The following CRAMP1 variants were observed in gnomAD, a reference collection of about 807,000 sequenced individuals.
The protein encoded by CRAMP1 is cramped chromatin regulator 1.
A neutral mutation model predicts 115.4 loss-of-function variants in CRAMP1; 50 were observed. The ratio of observed to expected loss-of-function variants is 0.43; its 90% CI spans 0.35 to 0.55. The LOEUF (loss-of-function observed/expected upper bound fraction) is 0.55, where lower values mean the gene tolerates loss of function less well. CRAMP1 is among the 20% of genes least tolerant of loss of function. CRAMP1 has a pLI of 0.01. For missense variants in CRAMP1, 1,679 were observed against 1,721.7 expected, an observed-to-expected ratio of 0.98 and a Z score of 0.44; for synonymous variants, 866 against 745.4, an observed-to-expected ratio of 1.16 and a Z score of -2.64.
At chr16:1,662,436 G>C in intron 11 of CRAMP1, 54 bp from the exon 12 acceptor site, 1 of 1,425,212 alleles carries the variant, frequency 7.0e-7, no homozygotes, top group Non-Finnish European at 9.9e-7. Flanking sequence ...CCGTGACCCT[G>C]GACCTGTTGC....
At chr16:1,637,735 A>G (rs752188492) in intron 4 of CRAMP1, 89 bp from the exon 5 acceptor site, 93 of 551,774 alleles carry the variant, frequency 1.7e-4, no homozygotes, top group Non-Finnish European at 2.8e-4. Flanking sequence ...GATCCAAGAA[A>G]CCACGTGAGC....
chr16:1,632,446 G>A (rs2036554685), intron 4 of CRAMP1, 81 bp downstream of exon 4: 11 of 1,367,342 alleles, frequency 8.0e-6, no homozygotes, highest in South Asian at 4.2e-5. Flanking sequence ...CAGCAAGCCC[G>A]CCGGACCTGC....
intron 3 of CRAMP1, among the ~76,000 whole-genome samples, chr16:1,630,399 A>C (rs1008855900): frequency 5.3e-5 from 8 of 151,906 alleles, no homozygotes; most frequent in Non-Finnish European, 1.2e-4. Flanking sequence ...CAATTCTCTC[A>C]CCTCAGCCTC....
chr16:1,644,593 C>T (rs1308671406), intron 6 of CRAMP1, among the ~76,000 whole-genome samples: 2 of 152,120 alleles, frequency 1.3e-5, no homozygotes, highest in Middle Eastern at 3.4e-3. Flanking sequence ...TTTAGGGAAG[C>T]GATCAGGGGC....
chr16:1,667,072 C>G (rs1052980764), intron 16 of CRAMP1, among the ~76,000 whole-genome samples: 2 of 152,182 alleles, frequency 1.3e-5, no homozygotes, highest in Non-Finnish European at 2.9e-5. Context: ...TCCAGGGAGC[C>G]CAGCCCTGCC....
At chr16:1,633,799 C>T (rs990188012) in intron 4 of CRAMP1, among the ~76,000 whole-genome samples, 5 of 152,140 alleles carry the variant, frequency 3.3e-5, no homozygotes, top group South Asian at 2.1e-4. Flanking sequence ...AGGCTGCGCG[C>T]GGTGGCTCAT....
chr16:1,618,697 T>A (rs1037394486), intron 2 of CRAMP1, among the ~76,000 whole-genome samples: 2 of 152,164 alleles, frequency 1.3e-5, no homozygotes, highest in African/African-American at 4.8e-5. Flanking sequence ...CTGTGGACTG[T>A]TTGTAGTTTC....
At chr16:1,636,782 G>A (rs1030022149) in intron 4 of CRAMP1, among the ~76,000 whole-genome samples, 3 of 152,232 alleles carry the variant, frequency 2.0e-5, no homozygotes, top group African/African-American at 7.2e-5. Flanking sequence ...AGAGGCTGGC[G>A]CCCAGGGCAG....
At chr16:1,625,739 G>A (rs80263291) in intron 2 of CRAMP1, 9,180 of 460,060 alleles carry the variant, frequency 0.02, 581 homozygotes, top group Admixed American at 0.15. Flanking sequence ...ATAAAATCTT[G>A]CTCCTTTTCT....
intron 5 of CRAMP1, among the ~76,000 whole-genome samples, chr16:1,638,667 G>T (rs1392360594): frequency 6.6e-6 from 1 of 152,188 alleles, no homozygotes; most frequent in Non-Finnish European, 1.5e-5. Flanking sequence ...AGTGGGCACT[G>T]TAGGGGATCC....
At chr16:1,617,993 A>T (rs2036434779) in intron 2 of CRAMP1, among the ~76,000 whole-genome samples, 2 of 152,244 alleles carry the variant, frequency 1.3e-5, no homozygotes, top group Admixed American at 1.3e-4. Context: ...ATCCCAAAAC[A>T]GACATTCCTG....
At chr16:1,652,450 C>T in intron 6 of CRAMP1, 46 bp from the exon 7 acceptor site, 1 of 1,507,788 alleles carries the variant, frequency 6.6e-7, no homozygotes, top group Non-Finnish European at 9.0e-7. Flanking sequence ...TTCCGTCCTT[C>T]TGTTCACTCA....
chr16:1,663,298 A>G (rs954599192), intron 13 of CRAMP1, among the ~76,000 whole-genome samples: 3 of 152,240 alleles, frequency 2.0e-5, no homozygotes, highest in African/African-American at 7.2e-5. Flanking sequence ...ACGCATAAAA[A>G]TACAGAAAGT....
intron 6 of CRAMP1, among the ~76,000 whole-genome samples, chr16:1,644,510 A>G (rs1336242801): frequency 6.6e-6 from 1 of 152,148 alleles, no homozygotes; most frequent in Non-Finnish European, 1.5e-5. Context: ...CTGGGGATGA[A>G]AGTTACTGTG....
Position 1,673,876 on chromosome 16 carries a change from T to C in CRAMP1, c.3646-5T>C. 1.9e-6 allele frequency: 3 copies of C among 1,613,722 alleles called. No homozygotes were observed. The highest frequency in any genetic ancestry group is 2.5e-6 in the Non-Finnish European group (3 of 1,179,768). On this transcript the variant is annotated splice_polypyrimidine_tract_variant and splice_region_variant and intron_variant, in intron 20 of 20. Transcript: ENST00000397412. ...ACTTGTTCTTCCTGTCTCCTCTTCC[T>C]GCAGGTTGTGGATTCCCAGCTGGTG...
chr16:1,652,612 G>C lies in CRAMP1; in HGVS notation c.913+31G>C. On this transcript the variant is annotated intron_variant, in intron 7 of 20. Coordinates refer to ENST00000397412, the MANE Select transcript of CRAMP1 (RefSeq NM_020825.4). ...TGAATGGGGCGCTCCCGGGACCAGA[G>C]GCGGTGCCCATGGTGTCCCATTCAA... 3 of 1,539,780 alleles carry C rather than the reference G, an allele frequency of 1.9e-6. No individual in the cohort carries two copies. In the East Asian group the frequency reaches 7.3e-5, roughly 38 times the overall value.
In CRAMP1 at chr16:1,672,762, A is replaced by G. The variant is rs1257703495; in HGVS notation, c.3646-1119A>G. 2.0e-5 allele frequency among the ~76,000 whole-genome samples: 3 copies of G among 152,068 alleles called. No homozygotes were observed. Among genetic ancestry groups the G allele is most frequent in the Admixed American group, 6.5e-5 (1 of 15,274 alleles). On this transcript the variant is annotated intron_variant, in intron 20 of 20. Transcript: ENST00000397412. The surrounding 1 kb of genome is among the most constrained non-coding windows in gnomAD (Gnocchi z 4.9). ...TCTACTCTAGAGCAGGACGCAGACA[A>G]TAAGCGCTGAAAACGGCACATTCTA...
chr16:1,657,986 G>A (rs1050381544), intron 10 of CRAMP1, among the ~76,000 whole-genome samples: 1 of 152,118 alleles, frequency 6.6e-6, no homozygotes, highest in Non-Finnish European at 1.5e-5. Flanking sequence ...CTCGGGACTC[G>A]GGCGCTCACG....
chr16:1,665,198 C>A, intron 14 of CRAMP1, 60 bp downstream of exon 14: 1 of 1,076,120 alleles, frequency 9.3e-7, no homozygotes, highest in Non-Finnish European at 1.4e-6. Context: ...AGGGCCTTGG[C>A]TTTGGAGACA....
Sources: gnomAD v4.1 joint callset for allele counts (sites outside exome capture counted in the v4.1 genomes callset) on GRCh38, gnomAD v4.1.1 for gene constraint, Gnocchi (gnomAD v3.1) non-coding constraint, MANE v1.5 for transcripts, NCBI Gene and HGNC (gene_info 2026-07-23, HGNC 2026-07-21) for gene names.